HIVEP3: variants seen among roughly 807,000 people sequenced by gnomAD.
HIVEP3 encodes the protein HIVEP zinc finger 3.
A neutral mutation model predicts 152.8 loss-of-function variants in HIVEP3; 49 were observed. The ratio of observed to expected loss-of-function variants is 0.32; its 90% confidence interval spans 0.26 to 0.41. The LOEUF (loss-of-function observed/expected upper bound fraction) is 0.41. Among genes scored for constraint, HIVEP3 ranks in the 10% least tolerant of loss-of-function variants. The pLI is 1.00. For missense variants in HIVEP3, 2,790 were observed against 3,103.3 expected, an observed-to-expected ratio of 0.90 and a Z score of 2.40; for synonymous variants, 1,269 against 1,289.0, an observed-to-expected ratio of 0.98 and a Z score of 0.33.
chr1:41,903,124 C>T (rs1256837074), intron 1 of HIVEP3, among the ~76,000 whole-genome samples: 2 of 152,198 alleles, frequency 1.3e-5, no homozygotes, highest in Non-Finnish European at 2.9e-5. Flanking sequence ...CTACCAACTA[C>T]CATTTACTGA....
At chr1:41,919,896 G>C (rs1644926294), upstream of HIVEP3, among the ~76,000 whole-genome samples, 1 of 152,184 alleles carries the variant, frequency 6.6e-6, no homozygotes, top group Non-Finnish European at 1.5e-5. Flanking sequence ...CCCAGCCCCA[G>C]AGCTCCAGCA....
intron 1 of HIVEP3, among the ~76,000 whole-genome samples, chr1:41,816,703 CA>C (rs1651289289): frequency 6.6e-6 from 1 of 152,110 alleles, no homozygotes; most frequent in Non-Finnish European, 1.5e-5. Flanking sequence ...CAAAACAAAA[CA>C]AAAACATAGC....
At chr1:41,972,995 C>T (rs1383339449) in intron 1 of HIVEP3, among the ~76,000 whole-genome samples, 4 of 151,800 alleles carry the variant, frequency 2.6e-5, no homozygotes, top group Non-Finnish European at 5.9e-5. Flanking sequence ...ATTTTCCAGG[C>T]AAAGAAGATA....
At chr1:42,004,387 T>C (rs1217609329) in intron 1 of HIVEP3, among the ~76,000 whole-genome samples, 1 of 152,194 alleles carries the variant, frequency 6.6e-6, no homozygotes, top group Non-Finnish European at 1.5e-5. Flanking sequence ...GCACATCCAG[T>C]GGTTCTAGAA....
At chr1:41,715,549 C>T (rs1187060172) in intron 1 of HIVEP3, among the ~76,000 whole-genome samples, 1 of 152,172 alleles carries the variant, frequency 6.6e-6, no homozygotes, top group Non-Finnish European at 1.5e-5. Context: ...GGCAAAAAGA[C>T]AAAATCCCCA....
At chr1:41,874,419 T>G (rs774818470) in intron 1 of HIVEP3, among the ~76,000 whole-genome samples, 2 of 152,190 alleles carry the variant, frequency 1.3e-5, no homozygotes, top group African/African-American at 4.8e-5. Flanking sequence ...GAGAAAAGTC[T>G]TCCTCTTCCT....
intron 1 of HIVEP3, among the ~76,000 whole-genome samples, chr1:41,708,208 G>A (rs1220471114): frequency 6.6e-6 from 1 of 152,178 alleles, no homozygotes; most frequent in Non-Finnish European, 1.5e-5. Flanking sequence ...TGAGTGACCA[G>A]CCCCATGCAG....
intron 1 of HIVEP3, among the ~76,000 whole-genome samples, chr1:41,976,318 G>A (rs1645258866): frequency 6.6e-6 from 1 of 151,890 alleles, no homozygotes; most frequent in South Asian, 2.1e-4. Context: ...TTCAGGCTCA[G>A]AGGGGATGAG....
intron 1 of HIVEP3, among the ~76,000 whole-genome samples, chr1:41,744,583 G>A (rs1647043965): frequency 1.3e-5 from 2 of 152,214 alleles, no homozygotes; most frequent in South Asian, 4.1e-4. Context: ...GGAAGCTCAT[G>A]TTCTTGCTGG....
chr1:41,788,020 G>C (rs1570540036), intron 1 of HIVEP3, among the ~76,000 whole-genome samples: 1 of 152,268 alleles, frequency 6.6e-6, no homozygotes, highest in East Asian at 1.9e-4. Flanking sequence ...ATGTGACTTT[G>C]GGCTCAAGCA....
At chr1:41,541,910 A>G (rs1483200749) in intron 5 of HIVEP3, among the ~76,000 whole-genome samples, 2 of 152,200 alleles carry the variant, frequency 1.3e-5, no homozygotes, top group African/African-American at 4.8e-5. Flanking sequence ...TGTATGTATG[A>G]TCTGTTTCAA....
At chr1:41,605,789 G>C (rs1644815176) in intron 3 of HIVEP3, among the ~76,000 whole-genome samples, 1 of 152,110 alleles carries the variant, frequency 6.6e-6, no homozygotes, top group Non-Finnish European at 1.5e-5. Flanking sequence ...GTCCAGTGTG[G>C]TTAGAGTGTT....
chr1:41,612,145 C>T (rs1644907391), intron 3 of HIVEP3, among the ~76,000 whole-genome samples: 3 of 151,854 alleles, frequency 2.0e-5, no homozygotes, highest in African/African-American at 7.3e-5. Flanking sequence ...TGCCAGGGTT[C>T]AAGCCCCTCC....
chr1:41,909,890 T>G (rs746338049), intron 1 of HIVEP3, among the ~76,000 whole-genome samples: 1 of 152,042 alleles, frequency 6.6e-6, no homozygotes, highest in Non-Finnish European at 1.5e-5. Context: ...TAGTGAAAAT[T>G]ATAAAGTACT....
At chr1:41,591,940 TC>T (rs1644594273) in intron 3 of HIVEP3, among the ~76,000 whole-genome samples, 1 of 151,740 alleles carries the variant, frequency 6.6e-6, no homozygotes. Flanking sequence ...CATTTCTGAG[TC>T]CTCCGATCTG....
At chr1:41,847,466 C>T (rs1020290993) in intron 1 of HIVEP3, 1 of 152,154 alleles carries the variant, frequency 6.6e-6, no homozygotes, top group Non-Finnish European at 1.5e-5. Context: ...ATGTATGATA[C>T]TATATGACTA....
intron 2 of HIVEP3, among the ~76,000 whole-genome samples, chr1:41,675,662 T>C (rs532312361): frequency 1.3e-5 from 2 of 152,330 alleles, no homozygotes; most frequent in South Asian, 2.1e-4. Flanking sequence ...CTGATCACCC[T>C]GTGAGGTTAG....
At chr1:41,964,782 A>G (rs1645188654) in intron 1 of HIVEP3, among the ~76,000 whole-genome samples, 1 of 152,184 alleles carries the variant, frequency 6.6e-6, no homozygotes. Flanking sequence ...GCCCCTGGGG[A>G]AAGGGATGGC....
chr1:42,010,644 G>A (rs899097605), intron 1 of HIVEP3, among the ~76,000 whole-genome samples: 7 of 151,992 alleles, frequency 4.6e-5, no homozygotes, highest in Admixed American at 3.9e-4. Flanking sequence ...CTTTTTATCT[G>A]CTGGGTCTAC....
Sources: allele counts gnomAD v4.1 joint callset (sites outside exome capture counted in the v4.1 genomes callset), GRCh38; gene constraint gnomAD v4.1.1; transcripts MANE v1.5; gene names NCBI Gene and HGNC (gene_info 2026-07-23, HGNC 2026-07-21).